Variants in NCAPG2 observed in about 807,000 individuals in gnomAD.
The protein encoded by NCAPG2 is non-SMC condensin II complex subunit G2.
Under a neutral mutation model 141.1 loss-of-function variants are expected in NCAPG2, and 53 were observed. The ratio of observed to expected loss-of-function variants is 0.38; its 90% CI spans 0.30 to 0.47. The LOEUF is 0.47. Ranked by LOEUF, NCAPG2 falls within the 20% of genes least tolerant of loss-of-function variation. The probability of loss-of-function intolerance (pLI) is 0.99; values close to 1 mark genes in which losing one functional copy is unlikely to be tolerated. For missense variants in NCAPG2, 1,087 were observed against 1,389.0 expected, an observed-to-expected ratio of 0.78 and a Z score of 3.46; for synonymous variants, 499 against 490.7, an observed-to-expected ratio of 1.02 and a Z score of -0.22.
chr7:158,695,548 T>C (rs1563580902), intron 2 of NCAPG2, among the ~76,000 whole-genome samples: 3 of 152,146 alleles, frequency 2.0e-5, no homozygotes, highest in Non-Finnish European at 4.4e-5. Context: ...CTGAAGGCTG[T>C]TTGGAGCTGG....
chr7:158,699,522 G>C (rs919900611), intron 2 of NCAPG2, among the ~76,000 whole-genome samples: 8 of 152,108 alleles, frequency 5.3e-5, no homozygotes, highest in Non-Finnish European at 1.2e-4. Context: ...ACACCTACCA[G>C]CTCAGTCCAT....
chr7:158,672,488 GCC>G (rs1833802811), intron 12 of NCAPG2, among the ~76,000 whole-genome samples: 1 of 150,486 alleles, frequency 6.6e-6, no homozygotes, highest in African/African-American at 2.4e-5. Context: ...GACTACAGGC[GCC>G]CGCCACCACG....
rs1194475737 is a variant in NCAPG2 at position 158,656,548 on chromosome 7, C to T, written c.2214+4G>A. 5.6e-6 allele frequency: 9 copies of T among 1,613,716 alleles called. No individual in the cohort carries two copies. The highest frequency in any genetic ancestry group is 7.6e-6 in the Non-Finnish European group (9 of 1,179,810). On this transcript the variant is annotated splice_donor_region_variant and intron_variant, in intron 18 of 27. Coordinates refer to ENST00000356309, the MANE Select transcript of NCAPG2 (RefSeq NM_017760.7). The stretch of plus-strand genomic sequence containing the variant: ...AATTTTAAGGAAACATGATGTCAAC[C>T]TACCTTGGCCTGGGCATGCTCTGTG...
At chr7:158,657,749 T>C (rs1307420681) in intron 17 of NCAPG2, among the ~76,000 whole-genome samples, 1 of 152,090 alleles carries the variant, frequency 6.6e-6, no homozygotes, top group East Asian at 1.9e-4. Flanking sequence ...AATTGGATGG[T>C]TGCCGTGTCT....
chr7:158,637,471 GACA>G (rs1830307227), intron 27 of NCAPG2, among the ~76,000 whole-genome samples: 1 of 152,268 alleles, frequency 6.6e-6, no homozygotes, highest in Non-Finnish European at 1.5e-5. Flanking sequence ...AGCAGACTCT[GACA>G]GCACAAGCAG....
intron 12 of NCAPG2, among the ~76,000 whole-genome samples, chr7:158,674,652 C>A (rs955562138): frequency 2.8e-4 from 43 of 152,352 alleles, no homozygotes; most frequent in Non-Finnish European, 5.3e-4. Context: ...GAGGAAGATC[C>A]ACAGAAGCTC....
chr7:158,664,440 T>G, intron 14 of NCAPG2, 88 bp downstream of exon 14: 8 of 1,525,434 alleles, frequency 5.2e-6, no homozygotes, highest in Non-Finnish European at 7.2e-6. Context: ...ATGAAGCTTA[T>G]TAAATTGACA....
At chr7:158,660,097 G>GA (rs1253820297) in intron 16 of NCAPG2, among the ~76,000 whole-genome samples, 335 of 118,322 alleles carry the variant, frequency 2.8e-3, no homozygotes, top group African/African-American at 4.5e-3. Flanking sequence ...GACAGAGCGA[G>GA]AAAAAAAAAA....
At chr7:158,703,919 G>A (rs1207835804) in intron 1 of NCAPG2, among the ~76,000 whole-genome samples, 3 of 151,848 alleles carry the variant, frequency 2.0e-5, no homozygotes, top group African/African-American at 4.8e-5. Flanking sequence ...GGCTCAGGGG[G>A]ACTCTCTCTA....
Position 158,648,567 on chromosome 7 carries a change from C to CAAATGGACGACAACCACGG in NCAPG2, c.3076-2005_3076-2004insCCGTGGTTGTCGTCCATTT, listed in dbSNP as rs1563504217. Among the ~76,000 whole-genome samples, 215 of 91,108 alleles carry CAAATGGACGACAACCACGG rather than the reference C, an allele frequency of 2.4e-3. 5 individuals carry two copies. Among genetic ancestry groups the CAAATGGACGACAACCACGG allele is most frequent in the African/African-American group, 9.0e-3 (198 of 22,116 alleles). 59.8% of individuals were successfully genotyped at this position (91,108 alleles called of 152,430 possible). A position where few individuals can be genotyped will look rare whatever the true frequency, so the allele number is the denominator to read the frequency against. ...CCACGGCAAATGGACGACAACCACG[C>CAAATGGACGACAACCACGG]CAAATGGACGACAACCACGCCAAAT... On this transcript the variant is annotated intron_variant, in intron 24 of 27. Transcript: ENST00000356309.
chr7:158,678,132 A>G (rs1834213800), intron 11 of NCAPG2, among the ~76,000 whole-genome samples: 1 of 151,816 alleles, frequency 6.6e-6, no homozygotes, highest in Admixed American at 6.6e-5. Context: ...AAGGTTCTCC[A>G]TATTACTCAG....
chr7:158,656,985 C>T (rs999468402), intron 17 of NCAPG2, among the ~76,000 whole-genome samples: 11 of 152,228 alleles, frequency 7.2e-5, no homozygotes, highest in Non-Finnish European at 5.9e-5. Flanking sequence ...TGCCATCTGT[C>T]AGATTCTAGA....
At chr7:158,655,976 G>A (rs936853466) in intron 19 of NCAPG2, among the ~76,000 whole-genome samples, 13 of 152,230 alleles carry the variant, frequency 8.5e-5, no homozygotes, top group African/African-American at 3.1e-4. Context: ...ATCTCCTGCA[G>A]AGGGTGTGTT....
At chr7:158,668,562 A>G (rs1833452666) in intron 13 of NCAPG2, 3 of 499,774 alleles carry the variant, frequency 6.0e-6, no homozygotes, top group South Asian at 1.8e-4. Flanking sequence ...TGGCCTGGAT[A>G]CAGTTTAGAT....
intron 24 of NCAPG2, among the ~76,000 whole-genome samples, chr7:158,647,439 G>A (rs763639498): frequency 5.9e-5 from 9 of 152,226 alleles, no homozygotes; most frequent in Non-Finnish European, 1.3e-4. Context: ...AGAGCCACGA[G>A]GGCACCTGCC....
chr7:158,684,154 T>C (rs747276685), intron 8 of NCAPG2, among the ~76,000 whole-genome samples: 18 of 152,228 alleles, frequency 1.2e-4, no homozygotes, highest in Non-Finnish European at 2.6e-4. Flanking sequence ...TGAAGTCACT[T>C]AGCATCACTT....
At chr7:158,651,390 A>T (rs1442264954) in intron 23 of NCAPG2, among the ~76,000 whole-genome samples, 1 of 152,218 alleles carries the variant, frequency 6.6e-6, no homozygotes. Flanking sequence ...AGGCACTTGA[A>T]ACAAATTCAT....
intron 15 of NCAPG2, among the ~76,000 whole-genome samples, chr7:158,662,685 T>C (rs1008060757): frequency 2.0e-5 from 3 of 152,248 alleles, no homozygotes; most frequent in African/African-American, 4.8e-5. Context: ...GCCTTTTCTT[T>C]CACTGTATCT....
At chr7:158,654,730 A>G (rs1383024680) in intron 21 of NCAPG2, 36 bp from the exon 22 acceptor site, 4 of 1,591,520 alleles carry the variant, frequency 2.5e-6, no homozygotes, top group Non-Finnish European at 3.4e-6. Flanking sequence ...AACAAAGGCC[A>G]TTTTTAAAAA....
Sources: gnomAD v4.1 joint callset for allele counts (sites outside exome capture counted in the v4.1 genomes callset) on GRCh38, gnomAD v4.1.1 for gene constraint, MANE v1.5 for transcripts, NCBI Gene and HGNC (gene_info 2026-07-23, HGNC 2026-07-21) for gene names.